NEURL1: variants seen among roughly 807,000 people sequenced by gnomAD.
The protein encoded by NEURL1 is neuralized E3 ubiquitin protein ligase 1, also known as E3 ubiquitin-protein ligase NEURL1.
Under a neutral mutation model 41.2 loss-of-function variants are expected in NEURL1, and 26 were observed. That is an observed-to-expected ratio of 0.63 (90% CI 0.46 to 0.87). NEURL1 has a LOEUF of 0.87. Among genes scored for constraint, NEURL1 ranks in the 40% least tolerant of loss-of-function variants. The pLI is 0.00. For missense variants in NEURL1, 761 were observed against 871.1 expected (o/e 0.87, Z 1.59); for synonymous variants, 400 against 402.3 (o/e 0.99, Z 0.07).
chr10:103,508,850 T>G lies in NEURL1; in HGVS notation c.85+14378T>G, dbSNP rs2034004967. On this transcript the variant is annotated intron_variant, in intron 1 of 5. Coordinates refer to ENST00000369780, the MANE Select transcript of NEURL1 (RefSeq NM_004210.5). The surrounding 1 kb of genome is among the most constrained non-coding windows in gnomAD (Gnocchi z 4.3). ...CAGCAAAATGTGAAAGAAGCTGTTT[T>G]AGGGATCTTGGGTTTCCTCATCTGA... 6.6e-6 allele frequency among the ~76,000 whole-genome samples: 1 copy of G among 152,226 alleles called. No individual in the cohort carries two copies.
intron 1 of NEURL1, among the ~76,000 whole-genome samples, chr10:103,544,350 C>A (rs2034883833): frequency 6.6e-6 from 1 of 152,112 alleles, no homozygotes; most frequent in African/African-American, 2.4e-5. Flanking sequence ...GAAGAATGTG[C>A]CGCTGGCCCA....
At chr10:103,590,075 G>A (rs547755785) in intron 5 of NEURL1, 59 bp from the exon 6 acceptor site, 97 of 1,540,786 alleles carry the variant, frequency 6.3e-5, no homozygotes, top group Non-Finnish European at 7.9e-5. Context: ...CTCTCTTCCC[G>A]TGAATCCAGC....
intron 1 of NEURL1, among the ~76,000 whole-genome samples, chr10:103,523,617 C>G (rs2133856079): frequency 6.6e-6 from 1 of 152,252 alleles, no homozygotes; most frequent in East Asian, 1.9e-4. Flanking sequence ...TTCCTTTTCC[C>G]TGCCTCTGGT....
intron 1 of NEURL1, among the ~76,000 whole-genome samples, chr10:103,499,032 G>A (rs548674925): frequency 1.3e-5 from 2 of 152,072 alleles, no homozygotes; most frequent in Non-Finnish European, 2.9e-5. Flanking sequence ...ACCTGTTTTC[G>A]GTTCTTCTGG....
At chr10:103,515,864 G>A (rs1283168391) in intron 1 of NEURL1, among the ~76,000 whole-genome samples, 1 of 152,182 alleles carries the variant, frequency 6.6e-6, no homozygotes, top group Non-Finnish European at 1.5e-5. Flanking sequence ...GTTGTCTAGG[G>A]GAGGGATGCT....
At chr10:103,582,871 T>G (rs1005126934) in intron 3 of NEURL1, among the ~76,000 whole-genome samples, 3 of 152,180 alleles carry the variant, frequency 2.0e-5, no homozygotes, top group African/African-American at 7.2e-5. Flanking sequence ...CAGAAAGGCT[T>G]CAATAAACAA....
Position 103,590,267 on chromosome 10 carries a change from C to T in NEURL1, c.1620C>T (p.Cys540=). Residue 540 remains cysteine (C), a synonymous_variant, in exon 6 of 6, where the codon TGC becomes TGT. Transcript: ENST00000369780. ...DTVIYTCGHM[C]LCYACGLRLK... ...TCATCTACACATGTGGCCACATGTGCCTCTGCTACGCCTGTGGCCTGCGCC... is the reference window on the plus strand; with the variant it reads ...TCATCTACACATGTGGCCACATGTGTCTCTGCTACGCCTGTGGCCTGCGCC... The T allele has an allele frequency of 1.2e-6, 2 of 1,614,052 alleles. No homozygotes were observed. The highest frequency in any genetic ancestry group is 2.2e-5 in the East Asian group (1 of 44,876).
At chr10:103,588,070 T>A (rs1293369804) in intron 4 of NEURL1, among the ~76,000 whole-genome samples, 4 of 151,648 alleles carry the variant, frequency 2.6e-5, no homozygotes, top group Non-Finnish European at 5.9e-5. Context: ...TTTGGGAGGC[T>A]GAGGCGGGTG....
Position 103,585,942 on chromosome 10 carries a change from C to T in NEURL1, c.1339+717C>T, listed in dbSNP as rs535464312. Among the ~76,000 whole-genome samples the T allele has an allele frequency of 1.1e-4, 16 of 151,904 alleles. No individual in the cohort carries two copies. In the South Asian group the frequency reaches 3.1e-3, roughly 30 times the overall value. ...CTCACCTTTAAGGAAGTTTGTGAGT[C>T]CAAATGAGAAAAAAAGGTTGGAATG... is the stretch of plus-strand genomic sequence containing the variant. On this transcript the variant is annotated intron_variant, in intron 4 of 5. Transcript: ENST00000369780.
chr10:103,569,266 C>G (rs1177418937), intron 1 of NEURL1, among the ~76,000 whole-genome samples: 1 of 152,236 alleles, frequency 6.6e-6, no homozygotes, highest in Admixed American at 6.5e-5. Flanking sequence ...TAATTTCACT[C>G]ACATCGTTAT....
chr10:103,544,935 G>A (rs144589442), intron 1 of NEURL1, among the ~76,000 whole-genome samples: 84 of 152,312 alleles, frequency 5.5e-4, no homozygotes, highest in Admixed American at 1.6e-3. Context: ...GAGCCTCAGG[G>A]CCTGCCTGGA....
chr10:103,546,826 C>G (rs2034933642), intron 1 of NEURL1, among the ~76,000 whole-genome samples: 1 of 152,226 alleles, frequency 6.6e-6, no homozygotes, highest in Non-Finnish European at 1.5e-5. Context: ...TGGGGGGAGA[C>G]CAGGCCACTA....
chr10:103,540,721 C>T (rs1020668445), intron 1 of NEURL1, among the ~76,000 whole-genome samples: 1 of 152,158 alleles, frequency 6.6e-6, no homozygotes, highest in African/African-American at 2.4e-5. Context: ...TTAGAGGATT[C>T]TCTTCTTGTT....
At chr10:103,578,330 T>G (rs970715424) in intron 3 of NEURL1, among the ~76,000 whole-genome samples, 8 of 152,224 alleles carry the variant, frequency 5.3e-5, no homozygotes, top group Non-Finnish European at 4.4e-5. Flanking sequence ...AAACCAGCTC[T>G]TCAACTAGAA....
At position 103,582,691 on chromosome 10, in the gene NEURL1, C is replaced by T. The variant is rs2035805979; in HGVS notation, c.650-1845C>T. On this transcript the variant is annotated intron_variant, in intron 3 of 5. Coordinates refer to ENST00000369780, the MANE Select transcript of NEURL1 (RefSeq NM_004210.5). ...CTCTGCTGTCCCTACCAGACCAATC[C>T]CCCAAGCTTTGCTGTCATACCTGAG... Among the ~76,000 whole-genome samples, 3 of 152,188 alleles carry T rather than the reference C, an allele frequency of 2.0e-5. No homozygotes were observed. The South Asian group carries it at 6.2e-4, about 32-fold the overall frequency.
Position 103,584,998 on chromosome 10 carries a change from C to G in NEURL1, c.1112C>G (p.Pro371Arg), listed in dbSNP as rs1228956232. Residue 371 changes from proline (P) to arginine (R), a missense_variant, in exon 4 of 6, where the codon CCT becomes CGT. This residue lies in a region of NEURL1 where 443 missense variants were observed against 408.1 expected (regional missense o/e 1.09). Coordinates refer to ENST00000369780, the MANE Select transcript of NEURL1 (RefSeq NM_004210.5). The part of the protein sequence containing the change: ...DPGTLRPADL[P>R]FSPEALVDRK... ...GGCACGCTGCGGCCGGCCGACCTGC[C>G]TTTCAGCCCTGAGGCCCTGGTGGAC... 1 of 1,559,734 alleles carries G rather than the reference C, an allele frequency of 6.4e-7. No homozygotes were observed. The highest frequency in any genetic ancestry group is 8.6e-7 in the Non-Finnish European group (1 of 1,162,332).
At chr10:103,496,800 G>A (rs1335829359) in intron 1 of NEURL1, among the ~76,000 whole-genome samples, 2 of 152,178 alleles carry the variant, frequency 1.3e-5, no homozygotes, top group African/African-American at 4.8e-5. Context: ...GGGGTTAGTT[G>A]GCCCTTAATA....
chr10:103,554,334 G>A (rs2035098527), intron 1 of NEURL1, among the ~76,000 whole-genome samples: 1 of 152,256 alleles, frequency 6.6e-6, no homozygotes, highest in African/African-American at 2.4e-5. Context: ...AACCATGTGA[G>A]TACATGTCTG....
At position 103,592,031 on chromosome 10, in the gene NEURL1, C is replaced by G. The variant is rs982119033; in HGVS notation, c.*1659C>G. ...TCCCAGCCTCCCAGCCCTCTGCCCC[C>G]TCAGATGGCTTTTTGTTTTTGTTTT... On this transcript the variant is annotated 3_prime_UTR_variant, in exon 6 of 6. Coordinates refer to ENST00000369780, the MANE Select transcript of NEURL1 (RefSeq NM_004210.5). This position sits in a 1 kb window ranked among gnomAD's most constrained non-coding sequence, Gnocchi z 4.8. 2.0e-5 allele frequency: 3 copies of G among 152,544 alleles called. No homozygotes were observed. Among genetic ancestry groups the G allele is most frequent in the East Asian group, 1.9e-4 (1 of 5,212 alleles). The allele number at this position is 152,544 out of a possible 1,614,324, so 9.4% of individuals were successfully genotyped here. A position where few individuals can be genotyped will look rare whatever the true frequency, so the allele number is the denominator to read the frequency against.
Sources: allele counts gnomAD v4.1 joint callset (sites outside exome capture counted in the v4.1 genomes callset), GRCh38; gene constraint gnomAD v4.1.1; regional missense constraint gnomAD v4.1.1; non-coding constraint Gnocchi (gnomAD v3.1); transcripts MANE v1.5; gene names NCBI Gene and HGNC (gene_info 2026-07-23, HGNC 2026-07-21).